Variants in RIPOR2 observed in about 807,000 individuals in gnomAD.
RIPOR2 encodes rho family-interacting cell polarization regulator 2.
In RIPOR2, 39 loss-of-function variants were observed where a neutral mutation model predicts 114.5. That is an observed-to-expected ratio of 0.34 (90% CI 0.26 to 0.44). RIPOR2 has a LOEUF of 0.44. Ranked by LOEUF, RIPOR2 falls within the 20% of genes least tolerant of loss-of-function variation. The pLI, the probability that RIPOR2 is intolerant of heterozygous loss-of-function variation, is 1.00. For synonymous variants in RIPOR2, 445 were observed against 484.4 expected, an observed-to-expected ratio of 0.92 and a Z score of 1.07; for missense variants, 1,007 against 1,255.1, an observed-to-expected ratio of 0.80 and a Z score of 2.99.
chr6:24,890,922 G>C (rs1262318104), intron 1 of RIPOR2, among the ~76,000 whole-genome samples: 1 of 151,728 alleles, frequency 6.6e-6, no homozygotes, highest in Non-Finnish European at 1.5e-5. Flanking sequence ...AGGATTACTG[G>C]GGTGGGCCAC....
chr6:25,012,218 A>G (rs887307418), intron 1 of RIPOR2, among the ~76,000 whole-genome samples: 1 of 152,232 alleles, frequency 6.6e-6, no homozygotes, highest in African/African-American at 2.4e-5. Context: ...AAGATAGATA[A>G]TATAATAACA....
chr6:24,984,640 A>C (rs1581913100), intron 1 of RIPOR2, among the ~76,000 whole-genome samples: 3 of 150,020 alleles, frequency 2.0e-5, no homozygotes, highest in Admixed American at 6.6e-5. Flanking sequence ...ACATAGTGAG[A>C]CCCCGTCTCT....
intron 1 of RIPOR2, among the ~76,000 whole-genome samples, chr6:24,984,152 A>G (rs1215871358): frequency 6.6e-6 from 1 of 152,228 alleles, no homozygotes; most frequent in Non-Finnish European, 1.5e-5. Flanking sequence ...AGAGAAAAAG[A>G]AATAAACTTC....
chr6:24,890,190 C>T (rs190874545), intron 1 of RIPOR2, among the ~76,000 whole-genome samples: 2 of 151,972 alleles, frequency 1.3e-5, no homozygotes, highest in African/African-American at 4.8e-5. Flanking sequence ...CCACTGTGCC[C>T]GGCCTGCACC....
At chr6:24,998,826 T>G (rs1415314552) in intron 1 of RIPOR2, among the ~76,000 whole-genome samples, 1 of 152,002 alleles carries the variant, frequency 6.6e-6, no homozygotes, top group African/African-American at 2.4e-5. Flanking sequence ...TCAATGAGAG[T>G]TGACAATGGC....
chr6:24,987,640 G>A lies in RIPOR2; in HGVS notation c.76+54211C>T, dbSNP rs566653793. On this transcript the variant is annotated intron_variant, in intron 1 of 13. Transcript: ENST00000510784. Reference sequence around the variant, plus strand: ...AAGTGAGGTGGAAGGTCCACACTACGTAAAACCGGGGCTGTGCAATGTTCA... The same window carrying A: ...AAGTGAGGTGGAAGGTCCACACTACATAAAACCGGGGCTGTGCAATGTTCA... Among the ~76,000 whole-genome samples the A allele has an allele frequency of 1.6e-3, 246 of 152,330 alleles. 1 individual carries two copies. The highest frequency in any genetic ancestry group is 2.9e-3 in the Non-Finnish European group (196 of 68,032).
intron 1 of RIPOR2, among the ~76,000 whole-genome samples, chr6:24,901,799 C>T (rs554553455): frequency 1.3e-5 from 2 of 152,196 alleles, no homozygotes; most frequent in Non-Finnish European, 2.9e-5. Context: ...GGGTGGAGAG[C>T]GCCCAGTGAG....
intron 1 of RIPOR2, among the ~76,000 whole-genome samples, chr6:24,921,111 C>G (rs1770444609): frequency 6.6e-6 from 1 of 151,930 alleles, no homozygotes; most frequent in African/African-American, 2.4e-5. Flanking sequence ...CTTACAGTAA[C>G]CTATAAGGCT....
At chr6:24,914,575 T>C (rs1449710688) in intron 1 of RIPOR2, among the ~76,000 whole-genome samples, 1 of 152,196 alleles carries the variant, frequency 6.6e-6, no homozygotes, top group Non-Finnish European at 1.5e-5. Context: ...TTATTTTTTA[T>C]ACCATAAAAC....
chr6:24,927,176 C>CCAT lies in RIPOR2; in HGVS notation c.61+8661_61+8662insATG, dbSNP rs1209589877. On this transcript the variant is annotated intron_variant, in intron 1 of 21. Transcript: ENST00000643898. ...ACCACCACCACAACTACAATCACCA[C>CCAT]CACCATGACCACCACCACAACTACA... is the stretch of plus-strand genomic sequence containing the variant. 4.7e-3 allele frequency among the ~76,000 whole-genome samples: 204 copies of CCAT among 42,960 alleles called. 94 individuals are homozygous for CCAT. The highest frequency in any genetic ancestry group is 0.027 in the Admixed American group (118 of 4,376). 28.2% of individuals were successfully genotyped at this position (42,960 alleles called of 152,430 possible).
Position 25,011,096 on chromosome 6 carries a change from G to GA in RIPOR2, c.76+30754dup, listed in dbSNP as rs969905746. Among the ~76,000 whole-genome samples, 5 of 152,054 alleles carry GA rather than the reference G, an allele frequency of 3.3e-5. No individual in the cohort carries two copies. In the East Asian group the frequency reaches 9.6e-4, roughly 29 times the overall value. Reference sequence around the variant, plus strand: ...TCACTTTTTCATCTACAGAATCTATGAAAAAAAATTTGTTTTTACAATGAC... The same window carrying GA: ...TCACTTTTTCATCTACAGAATCTATGAAAAAAAAATTTGTTTTTACAATGAC... On this transcript the variant is annotated intron_variant, in intron 1 of 13. Coordinates refer to the RIPOR2 transcript ENST00000510784.
At chr6:24,888,682 C>T (rs1767055373) in intron 1 of RIPOR2, among the ~76,000 whole-genome samples, 1 of 152,136 alleles carries the variant, frequency 6.6e-6, no homozygotes, top group South Asian at 2.1e-4. Context: ...ATAAATAAAG[C>T]TACATGCTGT....
chr6:24,869,873 C>G (rs963519785), intron 5 of RIPOR2, among the ~76,000 whole-genome samples: 1 of 152,208 alleles, frequency 6.6e-6, no homozygotes, highest in Non-Finnish European at 1.5e-5. Context: ...TACCGGCAGA[C>G]AGCTGCCTGT....
chr6:24,973,953 GAGA>G (rs1220349274), intron 1 of RIPOR2, among the ~76,000 whole-genome samples: 1 of 152,198 alleles, frequency 6.6e-6, no homozygotes, highest in East Asian at 1.9e-4. Context: ...AGAGGACGGA[GAGA>G]AGGAGAGGGA....
intron 1 of RIPOR2, among the ~76,000 whole-genome samples, chr6:24,965,635 G>A (rs1330611313): frequency 6.6e-6 from 1 of 152,062 alleles, no homozygotes; most frequent in African/African-American, 2.4e-5. Context: ...AAGTCTTTGT[G>A]GGTCTTTCCC....
intron 21 of RIPOR2, among the ~76,000 whole-genome samples, chr6:24,808,762 CTTTTT>C (rs10587871): frequency 7.8e-6 from 1 of 128,076 alleles, no homozygotes. Context: ...ATACTTTTTT[CTTTTT>C]TTTTTTTTTT....
intron 4 of RIPOR2, 71 bp from the exon 5 acceptor site, chr6:24,870,960 T>C (rs1765107269): frequency 1.0e-6 from 1 of 968,488 alleles, no homozygotes; most frequent in South Asian, 1.7e-5. Context: ...AACAGAATGA[T>C]TTAGCCCACA....
In RIPOR2 at chr6:24,987,956, C is replaced by A. The variant is rs537035750; in HGVS notation, c.76+53895G>T. Among the ~76,000 whole-genome samples the A allele has an allele frequency of 3.3e-5, 5 of 152,292 alleles. No individual in the cohort carries two copies. In the South Asian group the frequency reaches 8.3e-4, roughly 25 times the overall value. On this transcript the variant is annotated intron_variant, in intron 1 of 13. Transcript: ENST00000510784. Reference sequence around the variant, plus strand: ...ATCTAAGGGGCCTTGCTACAAACTGCAGCTCTAAAATTGTTTTAGAAGAAG... The same window carrying A: ...ATCTAAGGGGCCTTGCTACAAACTGAAGCTCTAAAATTGTTTTAGAAGAAG...
chr6:24,904,420 C>T (rs1768766315), intron 1 of RIPOR2, among the ~76,000 whole-genome samples: 1 of 152,206 alleles, frequency 6.6e-6, no homozygotes, highest in Non-Finnish European at 1.5e-5. Flanking sequence ...GTCACATTCC[C>T]TCTGACATAG....
Sources: gnomAD v4.1 joint callset for allele counts (sites outside exome capture counted in the v4.1 genomes callset) on GRCh38, gnomAD v4.1.1 for gene constraint, MANE v1.5 for transcripts, NCBI Gene and HGNC (gene_info 2026-07-23, HGNC 2026-07-21) for gene names.